ARMC2: variants seen among roughly 807,000 people sequenced by gnomAD.
The protein encoded by ARMC2 is armadillo repeat containing 2.
A neutral mutation model predicts 90.3 loss-of-function variants in ARMC2; 67 were observed. The observed-to-expected ratio is 0.74, with a 90% CI of 0.61 to 0.91. The LOEUF (loss-of-function observed/expected upper bound fraction) is 0.91, where lower values mean the gene tolerates loss of function less well. ARMC2 is among the 40% of genes least tolerant of loss of function. The probability of loss-of-function intolerance (pLI) is 0.00; values close to 1 mark genes in which losing one functional copy is unlikely to be tolerated. For missense variants in ARMC2, 920 were observed against 1,030.9 expected (o/e 0.89, Z 1.47); for synonymous variants, 393 against 393.0 (o/e 1.00, Z 0.00).
At chr6:108,936,601 T>G (rs1407769104) in intron 11 of ARMC2, among the ~76,000 whole-genome samples, 1 of 152,232 alleles carries the variant, frequency 6.6e-6, no homozygotes, top group Non-Finnish European at 1.5e-5. Flanking sequence ...CTCAGGGGAC[T>G]CACTGGTATC....
the ARMC2 span, among the ~76,000 whole-genome samples, chr6:108,990,188 C>T: frequency 1.1e-3 from 161 of 152,270 alleles, no homozygotes; most frequent in East Asian, 0.028. Context: ...ACAGCAAGGA[C>T]ATGAAAGTTT....
chr6:108,922,745 C>T (rs1349125657), intron 10 of ARMC2, among the ~76,000 whole-genome samples: 1 of 152,086 alleles, frequency 6.6e-6, no homozygotes, highest in Non-Finnish European at 1.5e-5. Context: ...GGTGTTTTCC[C>T]TGACTGAGGG....
At chr6:108,957,130 C>A (rs1231331243) in intron 13 of ARMC2, among the ~76,000 whole-genome samples, 2 of 152,228 alleles carry the variant, frequency 1.3e-5, no homozygotes, top group African/African-American at 4.8e-5. Flanking sequence ...TGGGTCAGGC[C>A]TCTTGCCTAC....
At chr6:108,982,699 T>C in the ARMC2 span, among the ~76,000 whole-genome samples, 19 of 152,206 alleles carry the variant, frequency 1.2e-4, no homozygotes, top group Non-Finnish European at 2.5e-4. Flanking sequence ...CTTTGTAATA[T>C]TGATTTACAT....
intron 1 of ARMC2, 191 bp downstream of exon 1, chr6:108,848,737 G>A (rs1338737607): frequency 6.6e-6 from 1 of 152,668 alleles, no homozygotes; most frequent in Non-Finnish European, 1.5e-5. Flanking sequence ...CGGGCGGGGT[G>A]AGGATGCTGC....
chr6:108,914,919 T>C (rs935217459), intron 10 of ARMC2, among the ~76,000 whole-genome samples: 2 of 151,858 alleles, frequency 1.3e-5, no homozygotes, highest in African/African-American at 4.8e-5. Flanking sequence ...TACACCAGCT[T>C]TGAGAACCTG....
the ARMC2 span, among the ~76,000 whole-genome samples, chr6:109,037,940 A>G: frequency 6.6e-6 from 1 of 152,220 alleles, no homozygotes; most frequent in African/African-American, 2.4e-5. Context: ...ATCTTTTGTT[A>G]AAATGCAAGT....
chr6:108,988,895 A>AT, the ARMC2 span, among the ~76,000 whole-genome samples: 1 of 152,170 alleles, frequency 6.6e-6, no homozygotes, highest in Non-Finnish European at 1.5e-5. Flanking sequence ...CTAACATAAC[A>AT]TTTTTTCTAC....
chr6:108,931,933 C>A (rs983985877), intron 11 of ARMC2, among the ~76,000 whole-genome samples: 3 of 151,428 alleles, frequency 2.0e-5, no homozygotes, highest in African/African-American at 7.3e-5. Context: ...CCAGCTAATT[C>A]TTTGTATTTT....
chr6:108,988,644 G>C, the ARMC2 span: 2 of 1,610,294 alleles, frequency 1.2e-6, no homozygotes, highest in Non-Finnish European at 1.7e-6. Context: ...TTAAAGCTAC[G>C]ATCCAATAGC....
At chr6:108,862,707 G>A (rs574539875) in intron 3 of ARMC2, among the ~76,000 whole-genome samples, 27 of 152,230 alleles carry the variant, frequency 1.8e-4, no homozygotes, top group African/African-American at 6.3e-4. Flanking sequence ...GGGAGAGAGA[G>A]TGGCAGAGGA....
At chr6:108,884,481 C>G (rs1017968322) in intron 5 of ARMC2, among the ~76,000 whole-genome samples, 1 of 152,292 alleles carries the variant, frequency 6.6e-6, no homozygotes, top group South Asian at 2.1e-4. Context: ...GCAGCTAATT[C>G]TGACTTGAGG....
intron 5 of ARMC2, among the ~76,000 whole-genome samples, chr6:108,883,543 C>G (rs1777792758): frequency 6.6e-6 from 1 of 152,170 alleles, no homozygotes; most frequent in Admixed American, 6.5e-5. Flanking sequence ...TCTTTACTTT[C>G]ATAATGGGGA....
chr6:108,968,976 G>A (rs925836930), intron 17 of ARMC2, among the ~76,000 whole-genome samples: 3 of 152,294 alleles, frequency 2.0e-5, no homozygotes, highest in Non-Finnish European at 4.4e-5. Context: ...CATAAGCAGC[G>A]TGTTGATGCT....
chr6:108,948,501 T>C (rs1235024525), intron 12 of ARMC2, among the ~76,000 whole-genome samples: 1 of 150,722 alleles, frequency 6.6e-6, no homozygotes, highest in South Asian at 2.1e-4. Flanking sequence ...TAAGCAGAGA[T>C]AGCAGTTGCT....
the ARMC2 span, chr6:108,998,966 CTAT>C: frequency 2.6e-6 from 1 of 389,650 alleles, no homozygotes; most frequent in Non-Finnish European, 4.5e-6. Context: ...AAGACATTCA[CTAT>C]TATTTTGATT....
At chr6:108,854,864 G>A (rs545959605) in intron 2 of ARMC2, among the ~76,000 whole-genome samples, 33 of 152,246 alleles carry the variant, frequency 2.2e-4, no homozygotes, top group Non-Finnish European at 1.5e-5. Context: ...TAGTTTCACT[G>A]CCCTACAAAT....
chr6:108,883,196 A>C (rs923685543), intron 5 of ARMC2, among the ~76,000 whole-genome samples: 3 of 152,224 alleles, frequency 2.0e-5, no homozygotes, highest in African/African-American at 4.8e-5. Context: ...AGTAATGTCT[A>C]TGAAGTCCTA....
At chr6:109,042,066 G>A in the ARMC2 span, among the ~76,000 whole-genome samples, 1 of 151,896 alleles carries the variant, frequency 6.6e-6, no homozygotes. Flanking sequence ...ATGGAAGCCT[G>A]GACACATTTG....
Sources: allele counts gnomAD v4.1 joint callset (sites outside exome capture counted in the v4.1 genomes callset), GRCh38; gene constraint gnomAD v4.1.1; transcripts MANE v1.5; gene names NCBI Gene and HGNC (gene_info 2026-07-23, HGNC 2026-07-21).